The following TRAP1 variants were observed in gnomAD, a reference collection of about 807,000 sequenced individuals.
TRAP1 encodes the protein TNF receptor associated protein 1, also known as heat shock protein 75 kDa, mitochondrial.
In TRAP1, 102 loss-of-function variants were observed where a neutral mutation model predicts 89.1. The ratio of observed to expected loss-of-function variants is 1.15; its 90% CI spans 0.98 to 1.35. TRAP1 has a LOEUF of 1.35. Among genes scored for constraint, TRAP1 ranks in the 40% most tolerant of loss-of-function variants. TRAP1 has a pLI of 0.00. For missense variants in TRAP1, 1,256 were observed against 945.3 expected, an observed-to-expected ratio of 1.33 and a Z score of -4.31; for synonymous variants, 508 against 388.0, an observed-to-expected ratio of 1.31 and a Z score of -3.64.
At chr16:3,665,878 C>T in intron 12 of TRAP1, 93 bp downstream of exon 12, 2 of 1,480,048 alleles carry the variant, frequency 1.4e-6, no homozygotes, top group Non-Finnish European at 1.8e-6. Flanking sequence ...CCCAGCTGCA[C>T]CGTCGCCACA....
rs1488470673 is a variant in TRAP1, at chr16:3,663,891, C to T, written c.1570-329G>A. The T allele has an allele frequency of 1.1e-5, 4 of 359,890 alleles. No individual in the cohort carries two copies. The Admixed American group carries it at 1.3e-4, about 11-fold the overall frequency. 22.3% of individuals were successfully genotyped at this position (359,890 alleles called of 1,614,324 possible). On this transcript the variant is annotated intron_variant, in intron 13 of 17. Coordinates refer to ENST00000246957, the MANE Select transcript of TRAP1 (RefSeq NM_016292.3). ...GTTCGAGACCAACATGGTGAAATGC[C>T]GTCTCTATTAAAAATACAAAAATTT...
At chr16:3,680,391 C>A (rs182630397) in intron 4 of TRAP1, among the ~76,000 whole-genome samples, 33 of 152,322 alleles carry the variant, frequency 2.2e-4, no homozygotes, top group Non-Finnish European at 4.4e-5. Context: ...GCACAGCTCT[C>A]CCACCATCAA....
rs148631823 is a variant in TRAP1 at position 3,662,094 on chromosome 16, G to A, written c.1833C>T (p.Thr611=). ...LRLDTHPAMV[T]VLEMGAARHF... Reference sequence around the variant, plus strand: ...GGCGGGCAGCCCCCATCTCCAGCACGGTGACCATGGCAGGGTGGGTGTCCA... The same window carrying A: ...GGCGGGCAGCCCCCATCTCCAGCACAGTGACCATGGCAGGGTGGGTGTCCA... The change falls in exon 16 of 18, where the codon ACC becomes ACT. Residue 611 remains threonine (T), a synonymous_variant. Coordinates refer to ENST00000246957, the MANE Select transcript of TRAP1 (RefSeq NM_016292.3). 9.2e-5 allele frequency: 149 copies of A among 1,613,162 alleles called. No individual in the cohort carries two copies. The highest frequency in any genetic ancestry group is 8.3e-4 in the Middle Eastern group (5 of 6,054).
chr16:3,693,351 C>T (rs1435284623), intron 1 of TRAP1, among the ~76,000 whole-genome samples: 1 of 151,670 alleles, frequency 6.6e-6, no homozygotes, highest in Admixed American at 6.6e-5. Context: ...GTTATTTGGG[C>T]CCATGTAATT....
chr16:3,697,447 G>C (rs190573103), intron 1 of TRAP1, among the ~76,000 whole-genome samples: 6 of 151,890 alleles, frequency 4.0e-5, no homozygotes, highest in Admixed American at 2.0e-4. Context: ...GGAGGATCAC[G>C]AGGTCAGGAG....
chr16:3,698,019 G>C (rs1194094198), intron 1 of TRAP1, among the ~76,000 whole-genome samples: 3 of 151,772 alleles, frequency 2.0e-5, no homozygotes, highest in African/African-American at 7.3e-5. Flanking sequence ...CACCATGTTG[G>C]CCAGGATGGT....
In TRAP1 at chr16:3,696,423, A is replaced by C. The variant is rs142263823; in HGVS notation, c.89-5438T>G. Reference sequence around the variant, plus strand: ...AAGCTGTGACCCGGCAAATCAAGCAAACATCGGTGCACACTTAAACAGAGG... The same window carrying C: ...AAGCTGTGACCCGGCAAATCAAGCACACATCGGTGCACACTTAAACAGAGG... On this transcript the variant is annotated intron_variant, in intron 1 of 17. Coordinates refer to ENST00000246957, the MANE Select transcript of TRAP1 (RefSeq NM_016292.3). 6.6e-4 allele frequency among the ~76,000 whole-genome samples: 101 copies of C among 152,322 alleles called. 1 individual carries two copies. The highest frequency in any genetic ancestry group is 2.4e-3 in the African/African-American group (99 of 41,576).
chr16:3,658,611 T>G (rs796824214), intron 17 of TRAP1, 182 bp downstream of exon 17: 12 of 619,692 alleles, frequency 1.9e-5, no homozygotes, highest in Non-Finnish European at 3.1e-5. Context: ...AGGCAGAGGT[T>G]GTAGTGAGCC....
At chr16:3,665,837 C>G in intron 12 of TRAP1, 134 bp downstream of exon 12, 1 of 1,172,262 alleles carries the variant, frequency 8.5e-7, no homozygotes, top group Non-Finnish European at 1.2e-6. Flanking sequence ...ATTTCCTGAC[C>G]CTGGTGGCAG....
chr16:3,692,066 G>A (rs1411307433), intron 1 of TRAP1, among the ~76,000 whole-genome samples: 2 of 152,140 alleles, frequency 1.3e-5, no homozygotes, highest in Admixed American at 6.5e-5. Flanking sequence ...CCCTGCCTTG[G>A]TCAGTAGATT....
At chr16:3,686,689 G>T (rs996732287) in intron 3 of TRAP1, among the ~76,000 whole-genome samples, 1 of 152,160 alleles carries the variant, frequency 6.6e-6, no homozygotes, top group Admixed American at 6.5e-5. Context: ...AGAGCCCTCT[G>T]GCTGGGGTTG....
intron 1 of TRAP1, 104 bp from the exon 2 acceptor site, chr16:3,691,089 C>T (rs1596733770): frequency 8.9e-7 from 1 of 1,128,226 alleles, no homozygotes; most frequent in South Asian, 2.2e-5. Flanking sequence ...GCGTGGACAT[C>T]TCTAAGTCGG....
intron 11 of TRAP1, among the ~76,000 whole-genome samples, chr16:3,671,215 A>G (rs1409875479): frequency 1.3e-5 from 2 of 152,040 alleles, no homozygotes; most frequent in Admixed American, 6.5e-5. Flanking sequence ...CTAAACCATC[A>G]ACAGCAGTCA....
At chr16:3,664,693 G>T in intron 12 of TRAP1, 1 of 523,732 alleles carries the variant, frequency 1.9e-6, no homozygotes, top group Non-Finnish European at 3.3e-6. Context: ...AGGTGGCCCA[G>T]GGGCTCTCCA....
At position 3,679,340 on chromosome 16, in the gene TRAP1, A is replaced by G. The variant is rs2051043359; in HGVS notation, c.543+379T>C. Among the ~76,000 whole-genome samples, 3 of 152,208 alleles carry G rather than the reference A, an allele frequency of 2.0e-5. 1 individual carries two copies. The South Asian group carries it at 6.2e-4, about 31-fold the overall frequency. The stretch of plus-strand genomic sequence containing the variant: ...AAAATAAAAAACAACACAATGATAA[A>G]AAGTAGTATAAAAAACATAACTATG... On this transcript the variant is annotated intron_variant, in intron 5 of 17. Coordinates refer to ENST00000246957, the MANE Select transcript of TRAP1 (RefSeq NM_016292.3).
chr16:3,694,100 G>A (rs893045782), intron 1 of TRAP1, among the ~76,000 whole-genome samples: 35 of 151,798 alleles, frequency 2.3e-4, no homozygotes, highest in African/African-American at 8.0e-4. Context: ...GCTTCTGGCA[G>A]TAGCCGGCAT....
At chr16:3,662,318 G>T in intron 15 of TRAP1, 186 bp from the exon 16 acceptor site, 1 of 714,998 alleles carries the variant, frequency 1.4e-6, no homozygotes, top group Non-Finnish European at 2.2e-6. Flanking sequence ...GATGCCCCAC[G>T]CAAAGATACT....
chr16:3,702,595 T>C (rs1008402051), intron 1 of TRAP1, among the ~76,000 whole-genome samples: 1 of 151,000 alleles, frequency 6.6e-6, no homozygotes, highest in Non-Finnish European at 1.5e-5. Context: ...ATACAAAAAC[T>C]TAGGTGGACA....
At chr16:3,701,797 AGTG>A (rs2051369317) in intron 1 of TRAP1, among the ~76,000 whole-genome samples, 1 of 152,210 alleles carries the variant, frequency 6.6e-6, no homozygotes, top group Non-Finnish European at 1.5e-5. Context: ...GGCAACTAAT[AGTG>A]GTTATGAAGA....
Sources: allele counts gnomAD v4.1 joint callset (sites outside exome capture counted in the v4.1 genomes callset), GRCh38; gene constraint gnomAD v4.1.1; transcripts MANE v1.5; gene names NCBI Gene and HGNC (gene_info 2026-07-23, HGNC 2026-07-21).